The following PCBP3 variants were observed in gnomAD, a reference collection of about 807,000 sequenced individuals.
PCBP3 encodes the protein poly(rC) binding protein 3.
Under a neutral mutation model 52.7 loss-of-function variants are expected in PCBP3, and 25 were observed. The ratio of observed to expected loss-of-function variants is 0.47; its 90% CI spans 0.35 to 0.66. PCBP3 has a LOEUF of 0.66. Among genes scored for constraint, PCBP3 ranks in the 30% least tolerant of loss-of-function variants. PCBP3 has a pLI of 0.01. For missense variants in PCBP3, 391 were observed against 490.3 expected (o/e 0.80, Z 1.91); for synonymous variants, 162 against 183.0 (o/e 0.89, Z 0.93).
intron 17 of PCBP3, among the ~76,000 whole-genome samples, 181 bp from the exon 18 acceptor site, chr21:45,941,489 G>A (rs919046909): frequency 6.6e-6 from 1 of 152,168 alleles, no homozygotes; most frequent in Non-Finnish European, 1.5e-5. Flanking sequence ...GGCATGGCGG[G>A]GACCAGGGCG....
chr21:45,750,530 ATTCCCAGCTCCTTCCCTCTTTCG>A (rs1423177699), intron 3 of PCBP3: 1 of 151,978 alleles, frequency 6.6e-6, no homozygotes, highest in Admixed American at 6.6e-5. Context: ...CACCAGGCCA[ATTCCCAGCTCCTTCCCTCTTTCG>A]TTCCCACCTC....
At chr21:45,889,115 A>T (rs1393264604) in intron 5 of PCBP3, among the ~76,000 whole-genome samples, 1 of 152,214 alleles carries the variant, frequency 6.6e-6, no homozygotes, top group Admixed American at 6.5e-5. Flanking sequence ...AGCTGTGTTG[A>T]TGCCCTCATC....
chr21:45,789,357 T>G (rs548449794), intron 4 of PCBP3, among the ~76,000 whole-genome samples: 1 of 152,342 alleles, frequency 6.6e-6, no homozygotes, highest in Non-Finnish European at 1.5e-5. Context: ...TGGGTGCATG[T>G]GTACATGTGC....
chr21:45,819,061 C>G (rs2093049530), intron 4 of PCBP3, among the ~76,000 whole-genome samples: 1 of 152,182 alleles, frequency 6.6e-6, no homozygotes, highest in Non-Finnish European at 1.5e-5. Flanking sequence ...GGAAAATACT[C>G]CGGGTGATGC....
At position 45,901,014 on chromosome 21, in the gene PCBP3, C is replaced by T; in HGVS notation, c.240C>T (p.Asn80=). The part of the protein sequence containing the change: ...KMREESGARI[N]ISEGNCPERI... Reference sequence around the variant, plus strand: ...CACCTTAGAGTGGTGCAAGGATCAACATCTCAGAGGGAAACTGCCCAGAGA... The same window carrying T: ...CACCTTAGAGTGGTGCAAGGATCAATATCTCAGAGGGAAACTGCCCAGAGA... The change falls in exon 9 of 18, where the codon AAC becomes AAT. Residue 80 remains asparagine (N), a synonymous_variant. Coordinates refer to ENST00000681687, the MANE Select transcript of PCBP3 (RefSeq NM_001384156.1). 1 of 1,613,530 alleles carries T rather than the reference C, an allele frequency of 6.2e-7. No homozygotes were observed. Among genetic ancestry groups the T allele is most frequent in the Non-Finnish European group, 8.5e-7 (1 of 1,179,436 alleles).
At chr21:45,675,520 C>G (rs967307674) in intron 2 of PCBP3, among the ~76,000 whole-genome samples, 1 of 152,222 alleles carries the variant, frequency 6.6e-6, no homozygotes, top group Non-Finnish European at 1.5e-5. Flanking sequence ...GCAGTAATAG[C>G]TGATGAGCAA....
chr21:45,668,798 T>C (rs935827476), intron 1 of PCBP3, 76 bp from the exon 2 acceptor site: 1 of 152,230 alleles, frequency 6.6e-6, no homozygotes, highest in Admixed American at 6.5e-5. Flanking sequence ...TTTTCACTGA[T>C]ATCACACTCT....
chr21:45,786,897 C>T (rs1245523692), intron 4 of PCBP3, among the ~76,000 whole-genome samples: 1 of 152,190 alleles, frequency 6.6e-6, no homozygotes, highest in African/African-American at 2.4e-5. Flanking sequence ...ATTATTAGAA[C>T]CTGTCTCCTG....
chr21:45,821,622 G>T lies in PCBP3; in HGVS notation c.-125-28339G>T, dbSNP rs1461477078. On this transcript the variant is annotated intron_variant, in intron 4 of 17. Transcript: ENST00000681687. This position sits in a 1 kb window ranked among gnomAD's most constrained non-coding sequence, Gnocchi z 4.4. The stretch of plus-strand genomic sequence containing the variant: ...TTCCTCACCTGTCTCCCTGGTTCTT[G>T]TTCTGGCTTCTCCACGGGACCCTCC... Among the ~76,000 whole-genome samples, 2 of 150,612 alleles carry T rather than the reference G, an allele frequency of 1.3e-5. No individual in the cohort carries two copies. Among genetic ancestry groups the T allele is most frequent in the African/African-American group, 4.9e-5 (2 of 40,846 alleles).
intron 4 of PCBP3, among the ~76,000 whole-genome samples, chr21:45,812,087 A>G (rs948131464): frequency 6.6e-6 from 1 of 152,078 alleles, no homozygotes; most frequent in African/African-American, 2.4e-5. Flanking sequence ...ACCTTTTCAC[A>G]TTTACTATGA....
At chr21:45,786,587 G>C (rs2091180708) in intron 4 of PCBP3, among the ~76,000 whole-genome samples, 1 of 152,106 alleles carries the variant, frequency 6.6e-6, no homozygotes, top group Non-Finnish European at 1.5e-5. Context: ...CACCGCGCCT[G>C]GTCTTAAGTA....
intron 5 of PCBP3, among the ~76,000 whole-genome samples, chr21:45,893,308 G>T (rs1042693623): frequency 1.3e-5 from 2 of 151,794 alleles, no homozygotes; most frequent in Admixed American, 1.3e-4. Context: ...GGAGGGTGGG[G>T]CAGGAGCTGG....
chr21:45,811,560 A>G (rs2092688227), intron 4 of PCBP3, among the ~76,000 whole-genome samples: 1 of 152,256 alleles, frequency 6.6e-6, no homozygotes, highest in African/African-American at 2.4e-5. Flanking sequence ...CAGCAAACAC[A>G]TTTAGGACTG....
intron 12 of PCBP3, chr21:45,916,077 C>T (rs770456361): frequency 2.0e-5 from 3 of 152,280 alleles, no homozygotes; most frequent in African/African-American, 4.8e-5. Flanking sequence ...ACGACATGGT[C>T]GTGAGTTAAA....
At chr21:45,885,554 C>T (rs1233317397) in intron 5 of PCBP3, among the ~76,000 whole-genome samples, 1 of 152,198 alleles carries the variant, frequency 6.6e-6, no homozygotes, top group African/African-American at 2.4e-5. Flanking sequence ...CCACAGGTCT[C>T]AGGGGCCCCA....
At position 45,904,775 on chromosome 21, in the gene PCBP3, C is replaced by T. The variant is rs2096157030; in HGVS notation, c.339+3662C>T. The stretch of plus-strand genomic sequence containing the variant: ...TCTACCTGAAGGTGCTCAGAGGGCC[C>T]TTGAGTCGTCGCTCTGGGGCCGTGT... On this transcript the variant is annotated intron_variant, in intron 9 of 17. Coordinates refer to ENST00000681687, the MANE Select transcript of PCBP3 (RefSeq NM_001384156.1). This position sits in a 1 kb window ranked among gnomAD's most constrained non-coding sequence, Gnocchi z 4.8. Among the ~76,000 whole-genome samples, 1 of 152,108 alleles carries T rather than the reference C, an allele frequency of 6.6e-6. No individual in the cohort carries two copies. Among genetic ancestry groups the T allele is most frequent in the Non-Finnish European group, 1.5e-5 (1 of 68,030 alleles).
chr21:45,850,465 A>G (rs1016201843), intron 5 of PCBP3, among the ~76,000 whole-genome samples: 4 of 152,064 alleles, frequency 2.6e-5, no homozygotes, highest in Non-Finnish European at 4.4e-5. Flanking sequence ...GGTGTTTGGA[A>G]AGAGTAGGTA....
intron 1 of PCBP3, among the ~76,000 whole-genome samples, chr21:45,663,175 CT>C (rs2080529962): frequency 2.0e-5 from 3 of 152,172 alleles, no homozygotes; most frequent in Non-Finnish European, 4.4e-5. Flanking sequence ...CTCTCTCTCT[CT>C]CTCTCTCCAC....
rs1050816543 is a variant in PCBP3 at position 45,735,719 on chromosome 21, T to C, written c.-162+290T>C. Among the ~76,000 whole-genome samples, 1 of 152,206 alleles carries C rather than the reference T, an allele frequency of 6.6e-6. No homozygotes were observed. The highest frequency in any genetic ancestry group is 2.4e-5 in the African/African-American group (1 of 41,452). ...CCTTTCTCCACAGTTAACCTGACCATGTAGACCAGCAGGAGCTGGAGGGCC... is the reference window on the plus strand; with the variant it reads ...CCTTTCTCCACAGTTAACCTGACCACGTAGACCAGCAGGAGCTGGAGGGCC... On this transcript the variant is annotated intron_variant, in intron 3 of 17. Coordinates refer to ENST00000681687, the MANE Select transcript of PCBP3 (RefSeq NM_001384156.1). The surrounding 1 kb of genome is among the most constrained non-coding windows in gnomAD (Gnocchi z 4.0).
Sources: allele counts gnomAD v4.1 joint callset (sites outside exome capture counted in the v4.1 genomes callset), GRCh38; gene constraint gnomAD v4.1.1; non-coding constraint Gnocchi (gnomAD v3.1); transcripts MANE v1.5; gene names NCBI Gene and HGNC (gene_info 2026-07-23, HGNC 2026-07-21).